Variants in FAM167A observed in about 807,000 individuals in gnomAD.
The protein encoded by FAM167A is protein FAM167A.
Under a neutral mutation model 14.9 loss-of-function variants are expected in FAM167A, and 23 were observed. The ratio of observed to expected loss-of-function variants is 1.55; its 90% CI spans 1.11 to 2.19. The LOEUF (loss-of-function observed/expected upper bound fraction) is 2.19. Ranked by LOEUF, FAM167A falls within the 30% of genes most tolerant of loss-of-function variation. FAM167A has a pLI of 0.00. For synonymous variants in FAM167A, 174 were observed against 117.7 expected, an observed-to-expected ratio of 1.48 and a Z score of -3.10; for missense variants, 401 against 281.5, an observed-to-expected ratio of 1.42 and a Z score of -3.04.
chr8:11,461,704 C>A (rs895005683), intron 1 of FAM167A, among the ~76,000 whole-genome samples: 3 of 152,236 alleles, frequency 2.0e-5, no homozygotes, highest in Non-Finnish European at 4.4e-5. Flanking sequence ...AGATCTAGGA[C>A]TATTTGAATC....
chr8:11,424,602 C>T lies in FAM167A; in HGVS notation c.416G>A (p.Arg139Lys), dbSNP rs754218407. Residue 139 changes from arginine (R) to lysine (K), a missense_variant, in exon 3 of 3, where the codon AGA becomes AAA. Coordinates refer to ENST00000284486, the MANE Select transcript of FAM167A (RefSeq NM_053279.3). ...EMRLQDQQLA[R>K]QLMRLRGDIN... is the part of the protein sequence containing the mutation. ...GTCGCCACGCAGGCGCATGAGCTGT[C>T]TGGCCAGTTGCTGGTCCTGCAGCCG... 6.2e-7 allele frequency: 1 copy of T among 1,614,058 alleles called. No homozygotes were observed. Among genetic ancestry groups the T allele is most frequent in the South Asian group, 1.1e-5 (1 of 91,070 alleles).
At chr8:11,435,221 A>C in intron 2 of FAM167A, 1 of 428,684 alleles carries the variant, frequency 2.3e-6, no homozygotes, top group South Asian at 1.7e-5. Context: ...TCCCTTCTCC[A>C]CCTGTCACCC....
chr8:11,428,609 C>T (rs139862167), intron 2 of FAM167A, among the ~76,000 whole-genome samples: 82 of 152,322 alleles, frequency 5.4e-4, no homozygotes, highest in African/African-American at 1.7e-3. Flanking sequence ...ACAGCGTGAG[C>T]ATCTCGCTAG....
chr8:11,441,295 T>C (rs1182516243), intron 2 of FAM167A, among the ~76,000 whole-genome samples: 1 of 152,232 alleles, frequency 6.6e-6, no homozygotes, highest in Non-Finnish European at 1.5e-5. Context: ...GTTGGTCCCC[T>C]GGCCCTGGTC....
chr8:11,473,842 T>C (rs1257339093), intron 1 of FAM167A, among the ~76,000 whole-genome samples: 1 of 152,096 alleles, frequency 6.6e-6, no homozygotes, highest in Non-Finnish European at 1.5e-5. Context: ...TGGTGGTTTT[T>C]TTGTTTGTTT....
upstream of FAM167A, among the ~76,000 whole-genome samples, chr8:11,471,408 A>G (rs1807957330): frequency 1.3e-5 from 2 of 151,988 alleles, no homozygotes; most frequent in South Asian, 4.1e-4. Context: ...GCCCACACAG[A>G]GGTTGTTTCT....
chr8:11,436,003 C>T (rs1263049079), intron 2 of FAM167A, among the ~76,000 whole-genome samples: 1 of 152,210 alleles, frequency 6.6e-6, no homozygotes, highest in Non-Finnish European at 1.5e-5. Context: ...TGCCGGGTCC[C>T]TGCCAGAGCC....
At chr8:11,429,852 T>A (rs749499525) in intron 2 of FAM167A, among the ~76,000 whole-genome samples, 1 of 152,226 alleles carries the variant, frequency 6.6e-6, no homozygotes, top group Non-Finnish European at 1.5e-5. Context: ...AGAAAAGAGA[T>A]AAGGCCTCTT....
chr8:11,475,081 T>G (rs1347343867), intron 1 of FAM167A, among the ~76,000 whole-genome samples: 1 of 152,120 alleles, frequency 6.6e-6, no homozygotes, highest in East Asian at 1.9e-4. Flanking sequence ...TACTGTCTCA[T>G]AAAGGCCTTG....
chr8:11,445,605 G>A (rs1806738994), intron 1 of FAM167A: 1 of 985,394 alleles, frequency 1.0e-6, no homozygotes, highest in African/African-American at 1.7e-5. Flanking sequence ...GGGATCTGAT[G>A]TGGCCTCCCC....
chr8:11,448,193 TAAAAA>T (rs34728701), intron 1 of FAM167A, among the ~76,000 whole-genome samples: 1 of 135,558 alleles, frequency 7.4e-6, no homozygotes, highest in Non-Finnish European at 1.6e-5. Flanking sequence ...GACTCTGTCT[TAAAAA>T]AAAAAAAAAA....
chr8:11,444,179 C>A lies in FAM167A; in HGVS notation c.233G>T (p.Gly78Val). The change falls in exon 2 of 3, where the codon GGG (glycine) becomes GTG (valine). Residue 78 changes from glycine (G) to valine (V), a missense_variant. By Grantham distance (109) the Gly-to-Val change is moderately radical (BLOSUM62 -3). Transcript: ENST00000284486. ...QASLEEGERG[G>V]QEPLLPLREA... ...TCTCAGGGGGAGCAAGGGCTCCTGCCCCCCACGCTCCCCCTCCTCCAAGCT... is the reference window on the plus strand; with the variant it reads ...TCTCAGGGGGAGCAAGGGCTCCTGCACCCCACGCTCCCCCTCCTCCAAGCT... 1.2e-6 allele frequency: 2 copies of A among 1,612,926 alleles called. No individual in the cohort carries two copies. Among genetic ancestry groups the A allele is most frequent in the Non-Finnish European group, 1.7e-6 (2 of 1,179,800 alleles).
At chr8:11,440,090 T>C (rs1323381580) in intron 2 of FAM167A, among the ~76,000 whole-genome samples, 3 of 152,168 alleles carry the variant, frequency 2.0e-5, no homozygotes, top group East Asian at 3.9e-4. Context: ...CTGGGGGCTG[T>C]GACCTTCTGG....
chr8:11,466,553 C>G (rs1472127763), intron 1 of FAM167A, 73 bp downstream of exon 1: 1 of 152,508 alleles, frequency 6.6e-6, no homozygotes, highest in Non-Finnish European at 1.5e-5. Flanking sequence ...TCAGCCCCTG[C>G]CCAGACTGCG....
chr8:11,474,263 G>A, intron 1 of FAM167A, among the ~76,000 whole-genome samples: 1 of 152,188 alleles, frequency 6.6e-6, no homozygotes, highest in Non-Finnish European at 1.5e-5. Flanking sequence ...TCTGGTACCA[G>A]GCACAGCATG....
chr8:11,425,612 C>T (rs1805080508), intron 2 of FAM167A, among the ~76,000 whole-genome samples: 1 of 152,026 alleles, frequency 6.6e-6, no homozygotes, highest in African/African-American at 2.4e-5. Flanking sequence ...CCCAGAGAAG[C>T]CTGAAAACTG....
At chr8:11,424,753 A>C in intron 2 of FAM167A, 117 bp from the exon 3 acceptor site, 1 of 1,401,282 alleles carries the variant, frequency 7.1e-7, no homozygotes, top group East Asian at 2.5e-5. Flanking sequence ...TCCATCTAGA[A>C]ATATTAGCAC....
Position 11,444,490 on chromosome 8 carries a change from T to C in FAM167A, c.-79A>G, listed in dbSNP as rs1478288714. The C allele has an allele frequency of 1.3e-5, 20 of 1,493,616 alleles. No individual in the cohort carries two copies. The highest frequency in any genetic ancestry group is 1.7e-5 in the Non-Finnish European group (19 of 1,127,558). The allele number at this position is 1,493,616 out of a possible 1,614,324, so 92.5% of individuals were successfully genotyped here. On this transcript the variant is annotated 5_prime_UTR_variant, in exon 2 of 3. Coordinates refer to ENST00000284486, the MANE Select transcript of FAM167A (RefSeq NM_053279.3). ...AGGCTTGGTGGGTGGCACAGTTGGG[T>C]CCCGCTCTGGGATGGCCTCATCCAG... is the stretch of plus-strand genomic sequence containing the variant.
intron 2 of FAM167A, 87 bp downstream of exon 2, chr8:11,443,944 G>T: frequency 6.8e-7 from 1 of 1,460,086 alleles, no homozygotes. Flanking sequence ...GGTGGGGGTG[G>T]GGAGACAGAC....
Sources: gnomAD v4.1 joint callset for allele counts (sites outside exome capture counted in the v4.1 genomes callset) on GRCh38, gnomAD v4.1.1 for gene constraint, MANE v1.5 for transcripts, NCBI Gene and HGNC (gene_info 2026-07-23, HGNC 2026-07-21) for gene names.